Variants in DHRSX observed in about 807,000 individuals in gnomAD.
DHRSX encodes dehydrogenase/reductase X-linked.
Under a neutral mutation model 34.0 loss-of-function variants are expected in DHRSX, and 31 were observed. That is an observed-to-expected ratio of 0.91 (90% CI 0.69 to 1.23). The LOEUF (loss-of-function observed/expected upper bound fraction) is 1.23. DHRSX is among the 50% of genes most tolerant of loss of function. DHRSX has a pLI of 0.00. For missense variants in DHRSX, 414 were observed against 428.1 expected (o/e 0.97, Z 0.29); for synonymous variants, 201 against 183.8 (o/e 1.09, Z -0.76).
chrX:2,478,615 G>GCCC (rs2044718618), intron 1 of DHRSX, among the ~76,000 whole-genome samples: 11 of 151,852 alleles, frequency 7.2e-5, no homozygotes, highest in South Asian at 4.2e-4. Flanking sequence ...TAAGCATGTG[G>GCCC]TTGAGGGACC....
intron 1 of DHRSX, among the ~76,000 whole-genome samples, chrX:2,456,573 C>G (rs2044299835): frequency 7.0e-6 from 1 of 142,588 alleles, no homozygotes. Context: ...GACATCACAG[C>G]ACTGCACTCC....
intron 1 of DHRSX, among the ~76,000 whole-genome samples, chrX:2,436,510 T>C (rs1402311706): frequency 6.7e-6 from 1 of 150,150 alleles, no homozygotes; most frequent in African/African-American, 2.4e-5. Flanking sequence ...CTACTACTAC[T>C]ACTGATAGGG....
At chrX:2,380,715 C>T (rs1473609970) in intron 3 of DHRSX, among the ~76,000 whole-genome samples, 1 of 152,120 alleles carries the variant, frequency 6.6e-6, no homozygotes, top group African/African-American at 2.4e-5. Flanking sequence ...TCCCCCCTTG[C>T]TCTCTCTTCA....
At chrX:2,411,787 G>C (rs1219351183) in intron 2 of DHRSX, among the ~76,000 whole-genome samples, 1 of 151,992 alleles carries the variant, frequency 6.6e-6, no homozygotes, top group Non-Finnish European at 1.5e-5. Context: ...CGGAAGCTGG[G>C]ACGAAGTAAG....
At position 2,457,654 on chromosome X, in the gene DHRSX, G is replaced by A. The variant is rs1021033261; in HGVS notation, c.110-32350C>T. 5.8e-4 allele frequency among the ~76,000 whole-genome samples: 87 copies of A among 148,904 alleles called. 1 individual carries two copies. Among genetic ancestry groups the A allele is most frequent in the Admixed American group, 5.0e-3 (74 of 14,934 alleles). On this transcript the variant is annotated intron_variant, in intron 1 of 6. Coordinates refer to ENST00000334651, the MANE Select transcript of DHRSX (RefSeq NM_145177.3). ...GCAAAAGAACCGCCACCGTGGACAT[G>A]CTGAAGATGGTTCCCCTAAGCATGT...
intron 1 of DHRSX, among the ~76,000 whole-genome samples, chrX:2,435,185 T>C (rs765527483): frequency 1.3e-5 from 2 of 152,136 alleles, no homozygotes; most frequent in Admixed American, 1.3e-4. Flanking sequence ...GAGGGGTTGT[T>C]GGTGAAAGAA....
intron 4 of DHRSX, among the ~76,000 whole-genome samples, chrX:2,275,287 C>T (rs2041611348): frequency 6.9e-6 from 1 of 144,132 alleles, no homozygotes; most frequent in Non-Finnish European, 1.5e-5. Context: ...GACCTGAGGT[C>T]AGGAGTTTGA....
intron 1 of DHRSX, among the ~76,000 whole-genome samples, chrX:2,439,015 G>A (rs1206547936): frequency 6.6e-6 from 1 of 151,814 alleles, no homozygotes; most frequent in Non-Finnish European, 1.5e-5. Context: ...CGTGGTGGCT[G>A]GCGCCTGTAG....
intron 3 of DHRSX, among the ~76,000 whole-genome samples, chrX:2,306,943 G>A (rs1365748572): frequency 4.2e-5 from 4 of 95,242 alleles, no homozygotes; most frequent in African/African-American, 1.6e-4. Context: ...TTTTTTTTTT[G>A]ATTGATAGGT....
At chrX:2,463,068 A>G (rs2044425126) in intron 1 of DHRSX, among the ~76,000 whole-genome samples, 1 of 152,170 alleles carries the variant, frequency 6.6e-6, no homozygotes, top group Non-Finnish European at 1.5e-5. Context: ...TGCGTCGTCT[A>G]TGAACCAGGG....
At chrX:2,270,176 G>A (rs1355631870) in intron 4 of DHRSX, among the ~76,000 whole-genome samples, 2 of 152,114 alleles carry the variant, frequency 1.3e-5, no homozygotes, top group Non-Finnish European at 2.9e-5. Flanking sequence ...ATAAATTTTT[G>A]ATGCGTGTGC....
At chrX:2,393,419 T>C (rs6642016) in intron 3 of DHRSX, among the ~76,000 whole-genome samples, 115,275 of 147,486 alleles carry the variant, frequency 0.78, 44,642 homozygotes, top group South Asian at 0.81. Context: ...TGCGCACACA[T>C]GACACACAGG....
At chrX:2,435,278 C>T (rs1342111995) in intron 1 of DHRSX, among the ~76,000 whole-genome samples, 1 of 152,096 alleles carries the variant, frequency 6.6e-6, no homozygotes, top group African/African-American at 2.4e-5. Flanking sequence ...CAAAAACCCA[C>T]ACGGATACGA....
At chrX:2,456,949 A>G (rs1439490366) in intron 1 of DHRSX, among the ~76,000 whole-genome samples, 1 of 151,774 alleles carries the variant, frequency 6.6e-6, no homozygotes, top group Non-Finnish European at 1.5e-5. Context: ...TGGACCGTGC[A>G]GGAGAAGGAA....
chrX:2,356,659 C>G (rs936937797), intron 3 of DHRSX, among the ~76,000 whole-genome samples: 4 of 152,150 alleles, frequency 2.6e-5, no homozygotes, highest in African/African-American at 9.7e-5. Flanking sequence ...CTGAGAAAGC[C>G]AGACCAACCT....
chrX:2,314,520 G>A (rs1208908357), intron 3 of DHRSX, among the ~76,000 whole-genome samples: 2 of 120,620 alleles, frequency 1.7e-5, no homozygotes, highest in Non-Finnish European at 3.8e-5. Flanking sequence ...AGGGAGGGAG[G>A]AAAGGCTATT....
intron 5 of DHRSX, among the ~76,000 whole-genome samples, chrX:2,259,252 G>A (rs190987129): frequency 0.028 from 4,269 of 150,042 alleles, 209 homozygotes; most frequent in African/African-American, 0.097. Flanking sequence ...CAGCCTGGGC[G>A]ACAGAGCAAG....
At chrX:2,243,800 T>TTTTTTTTG (rs2016209550) in intron 5 of DHRSX, among the ~76,000 whole-genome samples, 1 of 80,600 alleles carries the variant, frequency 1.2e-5, no homozygotes, top group African/African-American at 4.6e-5. Flanking sequence ...TTTTTTTTTT[T>TTTTTTTTG]TTTTTTTTTT....
chrX:2,336,903 C>G (rs1040368172), intron 3 of DHRSX, among the ~76,000 whole-genome samples: 3 of 151,988 alleles, frequency 2.0e-5, no homozygotes, highest in African/African-American at 7.2e-5. Context: ...GCAGAACATG[C>G]AGGTTTGTTA....
Sources: allele counts gnomAD v4.1 joint callset (sites outside exome capture counted in the v4.1 genomes callset), GRCh38; gene constraint gnomAD v4.1.1; transcripts MANE v1.5; gene names NCBI Gene and HGNC (gene_info 2026-07-23, HGNC 2026-07-21).